ATRNL1: variants seen among roughly 807,000 people sequenced by gnomAD.
ATRNL1 encodes attractin-like protein 1.
Under a neutral mutation model 182.7 loss-of-function variants are expected in ATRNL1, and 95 were observed. That is an observed-to-expected ratio of 0.52 (90% CI 0.44 to 0.62). The LOEUF is 0.62. ATRNL1 is among the 20% of genes least tolerant of loss of function. ATRNL1 has a pLI of 0.00. For missense variants in ATRNL1, 1,471 were observed against 1,679.5 expected (o/e 0.88, Z 2.17); for synonymous variants, 576 against 568.3 (o/e 1.01, Z -0.19).
chr10:115,861,298 G>A (rs1555103431), intron 28 of ATRNL1, among the ~76,000 whole-genome samples: 1 of 152,118 alleles, frequency 6.6e-6, no homozygotes, highest in East Asian at 1.9e-4. Context: ...ACCCAGGCGA[G>A]CTAAGGGCAG....
At chr10:115,652,622 T>C (rs1242844067) in intron 26 of ATRNL1, among the ~76,000 whole-genome samples, 1 of 152,078 alleles carries the variant, frequency 6.6e-6, no homozygotes, top group Admixed American at 6.6e-5. Context: ...TTGATCTTTT[T>C]TGAGGGCAGC....
In ATRNL1 at chr10:115,528,073, T is replaced by TTCCTTCCTTCCTTCCTTC. The variant is rs1565133603; in HGVS notation, c.3716+8749_3716+8750insTCCTTCCTTCCTTCCTTC. 3.3e-3 allele frequency among the ~76,000 whole-genome samples: 80 copies of TTCCTTCCTTCCTTCCTTC among 24,154 alleles called. 10 individuals are homozygous for TTCCTTCCTTCCTTCCTTC. Among genetic ancestry groups the TTCCTTCCTTCCTTCCTTC allele is most frequent in the African/African-American group, 7.5e-3 (77 of 10,326 alleles). The allele number at this position is 24,154 out of a possible 152,430, so 15.8% of individuals were successfully genotyped here. Reference sequence around the variant, plus strand: ...TCCTTCCTTCCTTCCTTCCTTCCTTTCCCTTCTCATTTCTAAAAATAATCT... The same window carrying TTCCTTCCTTCCTTCCTTC: ...TCCTTCCTTCCTTCCTTCCTTCCTTTTCCTTCCTTCCTTCCTTCCCCTTCTCATTTCTAAAAATAATCT... On this transcript the variant is annotated intron_variant, in intron 25 of 28. Coordinates refer to ENST00000355044, the MANE Select transcript of ATRNL1 (RefSeq NM_207303.4).
At chr10:115,766,163 TTGAA>T (rs1948854982) in intron 27 of ATRNL1, among the ~76,000 whole-genome samples, 1 of 152,208 alleles carries the variant, frequency 6.6e-6, no homozygotes, top group Non-Finnish European at 1.5e-5. Context: ...TATTTGTTGA[TTGAA>T]TGCCTCTTAC....
intron 27 of ATRNL1, among the ~76,000 whole-genome samples, chr10:115,824,955 G>A (rs1442339410): frequency 6.6e-6 from 1 of 152,098 alleles, no homozygotes; most frequent in African/African-American, 2.4e-5. Context: ...GTTTATTGCA[G>A]CACTGTTCAC....
At chr10:115,856,713 T>G (rs1480519382) in intron 28 of ATRNL1, among the ~76,000 whole-genome samples, 1 of 152,050 alleles carries the variant, frequency 6.6e-6, no homozygotes, top group Admixed American at 6.6e-5. Flanking sequence ...ACAATAGGGT[T>G]CGTGCTCCTT....
In ATRNL1 at chr10:115,489,440, C is replaced by T. The variant is rs552770445; in HGVS notation, c.3654+20111C>T. Reference sequence around the variant, plus strand: ...TGGGTGCATATATATTTAGGATAGTCAGCTCTTCTTGTTGAACTGATCCCT... The same window carrying T: ...TGGGTGCATATATATTTAGGATAGTTAGCTCTTCTTGTTGAACTGATCCCT... On this transcript the variant is annotated intron_variant, in intron 24 of 28. Transcript: ENST00000355044. 4.5e-3 allele frequency among the ~76,000 whole-genome samples: 691 copies of T among 152,118 alleles called. 6 individuals carry two copies. Among genetic ancestry groups the T allele is most frequent in the Non-Finnish European group, 7.7e-3 (523 of 67,964 alleles).
chr10:115,175,135 T>C (rs1481550472), intron 8 of ATRNL1, among the ~76,000 whole-genome samples: 1 of 152,034 alleles, frequency 6.6e-6, no homozygotes, highest in Non-Finnish European at 1.5e-5. Context: ...ATGGAATCTC[T>C]AGGCCACCTG....
intron 21 of ATRNL1, among the ~76,000 whole-genome samples, chr10:115,458,351 T>C (rs1847627324): frequency 1.3e-5 from 2 of 152,146 alleles, no homozygotes; most frequent in South Asian, 4.1e-4. Flanking sequence ...AAAGGAAACA[T>C]TTTGTGTAGA....
chr10:115,332,861 G>T (rs1289327957), intron 18 of ATRNL1, among the ~76,000 whole-genome samples: 4 of 151,194 alleles, frequency 2.6e-5, no homozygotes, highest in African/African-American at 7.3e-5. Context: ...ATACATATTT[G>T]TTTCTGTCGT....
At chr10:115,139,315 T>C (rs1388315719) in intron 5 of ATRNL1, among the ~76,000 whole-genome samples, 1 of 152,220 alleles carries the variant, frequency 6.6e-6, no homozygotes, top group African/African-American at 2.4e-5. Flanking sequence ...TCAGCCGCGC[T>C]CCACTCTACT....
At chr10:115,711,187 G>A (rs1947053938) in intron 26 of ATRNL1, among the ~76,000 whole-genome samples, 1 of 151,942 alleles carries the variant, frequency 6.6e-6, no homozygotes, top group Non-Finnish European at 1.5e-5. Flanking sequence ...CATAACTTTG[G>A]GTCCATAAAC....
intron 26 of ATRNL1, among the ~76,000 whole-genome samples, chr10:115,628,663 A>G (rs941151628): frequency 5.3e-5 from 8 of 152,160 alleles, no homozygotes; most frequent in Non-Finnish European, 1.0e-4. Flanking sequence ...ATCCAACATC[A>G]TAAAGATTTA....
intron 27 of ATRNL1, among the ~76,000 whole-genome samples, chr10:115,764,846 T>C (rs1320301124): frequency 3.3e-5 from 5 of 152,002 alleles, no homozygotes; most frequent in African/African-American, 1.2e-4. Context: ...CTAAGTTTTT[T>C]TATTTTTAGT....
intron 28 of ATRNL1, among the ~76,000 whole-genome samples, chr10:115,883,579 T>C (rs1451602327): frequency 2.6e-5 from 4 of 152,244 alleles, no homozygotes; most frequent in Non-Finnish European, 5.9e-5. Flanking sequence ...CATGCAGCAA[T>C]GCAGATGGAT....
intron 24 of ATRNL1, among the ~76,000 whole-genome samples, chr10:115,501,344 T>C (rs1221620691): frequency 6.6e-6 from 1 of 152,148 alleles, no homozygotes; most frequent in Non-Finnish European, 1.5e-5. Context: ...TTGGGGCTCA[T>C]GGGCCTATTA....
At chr10:115,342,470 A>G (rs1855797055) in intron 19 of ATRNL1, among the ~76,000 whole-genome samples, 1 of 152,190 alleles carries the variant, frequency 6.6e-6, no homozygotes, top group Non-Finnish European at 1.5e-5. Context: ...ATGAAAACTA[A>G]TAAAAACTCT....
Position 115,455,718 on chromosome 10 carries a change from A to T in ATRNL1, c.3323-6223A>T, listed in dbSNP as rs1847492290. 2.6e-5 allele frequency among the ~76,000 whole-genome samples: 4 copies of T among 152,272 alleles called. No homozygotes were observed. In the South Asian group the frequency reaches 8.3e-4, roughly 32 times the overall value. ...CAGGCAGCCTACAGAATGGGAGAAA[A>T]TTTTTGCAATCTATCCATCTGACAA... On this transcript the variant is annotated intron_variant, in intron 21 of 28. Transcript: ENST00000355044.
chr10:115,426,878 C>A (rs1845926403), intron 21 of ATRNL1, among the ~76,000 whole-genome samples: 1 of 152,176 alleles, frequency 6.6e-6, no homozygotes, highest in Non-Finnish European at 1.5e-5. Context: ...GTGCCCACCA[C>A]CACGCCCAGC....
At chr10:115,755,688 T>C (rs1403757882) in intron 27 of ATRNL1, among the ~76,000 whole-genome samples, 2 of 152,136 alleles carry the variant, frequency 1.3e-5, no homozygotes, top group African/African-American at 4.8e-5. Context: ...CCTCATAAAA[T>C]GAGTTAGGGA....
Sources: allele counts gnomAD v4.1 joint callset (sites outside exome capture counted in the v4.1 genomes callset), GRCh38; gene constraint gnomAD v4.1.1; transcripts MANE v1.5; gene names NCBI Gene and HGNC (gene_info 2026-07-23, HGNC 2026-07-21).